Variants in VNN2 observed in about 807,000 individuals in gnomAD.
The protein encoded by VNN2 is pantetheine hydrolase VNN2.
A neutral mutation model predicts 43.0 loss-of-function variants in VNN2; 43 were observed. The observed-to-expected ratio is 1.00, with a 90% confidence interval of 0.78 to 1.29. VNN2 has a LOEUF of 1.29. VNN2 is among the 50% of genes most tolerant of loss of function. VNN2 has a pLI of 0.00. For synonymous variants in VNN2, 230 were observed against 224.3 expected (o/e 1.03, Z -0.23); for missense variants, 652 against 619.7 (o/e 1.05, Z -0.55).
upstream of VNN2, among the ~76,000 whole-genome samples, chr6:132,762,110 G>C (rs200076821): frequency 6.6e-6 from 1 of 152,160 alleles, no homozygotes; most frequent in Non-Finnish European, 1.5e-5. Flanking sequence ...GGGTTGACAG[G>C]GTACCTGGGC....
chr6:132,762,031 A>G (rs879462373), upstream of VNN2, among the ~76,000 whole-genome samples: 2 of 152,248 alleles, frequency 1.3e-5, no homozygotes, highest in African/African-American at 2.4e-5. Context: ...GGCCCACAGA[A>G]CTACTGTTGT....
upstream of VNN2, chr6:132,758,039 C>CTTCTT (rs1488070973): frequency 1.6e-4 from 26 of 164,994 alleles, no homozygotes; most frequent in South Asian, 8.4e-4. Flanking sequence ...TCTTCTTCTT[C>CTTCTT]TTTTTTTTTT....
upstream of VNN2, chr6:132,758,039 CTTTTTTTTTT>C (rs533088096): frequency 2.4e-5 from 4 of 165,050 alleles, no homozygotes; most frequent in African/African-American, 1.2e-4. Flanking sequence ...TCTTCTTCTT[CTTTTTTTTTT>C]TTTTTTTTTT....
At chr6:132,757,927 T>C (rs1028196351), upstream of VNN2, 1 of 1,554,238 alleles carries the variant, frequency 6.4e-7, no homozygotes, top group African/African-American at 1.4e-5. Context: ...AACATTCATG[T>C]AGTATTTACA....
At chr6:132,760,152 C>T (rs943063474), upstream of VNN2, among the ~76,000 whole-genome samples, 12 of 151,948 alleles carry the variant, frequency 7.9e-5, no homozygotes, top group African/African-American at 2.4e-4. Flanking sequence ...TCTGAACACT[C>T]GTGTCTTTTG....
At chr6:132,748,038 G>T (rs1415982195) in intron 6 of VNN2, among the ~76,000 whole-genome samples, 2 of 152,192 alleles carry the variant, frequency 1.3e-5, no homozygotes, top group East Asian at 3.8e-4. Context: ...TGGAAAAAGT[G>T]GCAAAGTAGT....
At chr6:132,760,529 G>C (rs940214470), upstream of VNN2, 10 of 151,852 alleles carry the variant, frequency 6.6e-5, no homozygotes, top group African/African-American at 2.4e-4. Context: ...GAAGACCATA[G>C]GCAAATTTGC....
chr6:132,750,515 T>TATATATATATATATATATAGATATA (rs1359427541), intron 5 of VNN2, among the ~76,000 whole-genome samples: 1 of 97,376 alleles, frequency 1.0e-5, no homozygotes, highest in African/African-American at 4.2e-5. Flanking sequence ...ATATATATAT[T>TATATATATATATATATATAGATATA]TTTCCAGGTG....
In VNN2 at chr6:132,755,984, G is replaced by C; in HGVS notation, c.396C>G (p.Asn132Lys). The C allele has an allele frequency of 6.2e-7, 1 of 1,614,132 alleles. No individual in the cohort carries two copies. The highest frequency in any genetic ancestry group is 8.5e-7 in the Non-Finnish European group (1 of 1,180,012). Residue 132 changes from asparagine to lysine, a missense_variant, in exon 3 of 7, where the codon AAC becomes AAG. Coordinates refer to ENST00000326499, the MANE Select transcript of VNN2 (RefSeq NM_004665.6). Reference sequence around the variant, plus strand: ...CCAAATTTGCCAAGACATAGATAGAGTTGTCCTTGGCCAGGCAGCTGAGTC... The same window carrying C: ...CCAAATTTGCCAAGACATAGATAGACTTGTCCTTGGCCAGGCAGCTGAGTC... ...QARLSCLAKDNSIYVLANLGD... is the reference protein window; with the variant it reads ...QARLSCLAKDKSIYVLANLGD...
At chr6:132,752,996 GC>G in intron 3 of VNN2, 1 of 410,872 alleles carries the variant, frequency 2.4e-6, no homozygotes, top group Non-Finnish European at 4.3e-6. Flanking sequence ...TCAGTTAAGA[GC>G]CAAATACCCC....
At position 132,757,844 on chromosome 6, in the gene VNN2, C is replaced by A. The variant is rs78238113; in HGVS notation, c.40G>T (p.Ala14Ser). The change falls in exon 1 of 7, where the codon GCC becomes TCC. Residue 14 changes from alanine (A) to serine (S), a missense_variant. Transcript: ENST00000326499. ...GTACCAACCTGCAGGGTTATTAGGGCAAAAACTGCCACAGAGATTGGAAAA... is the reference window on the plus strand; with the variant it reads ...GTACCAACCTGCAGGGTTATTAGGGAAAAAACTGCCACAGAGATTGGAAAA... ...SSFPISVAVFALITLQVGTQD... is the reference protein window; with the variant it reads ...SSFPISVAVFSLITLQVGTQD... The A allele has an allele frequency of 6.2e-7, 1 of 1,613,580 alleles. No individual in the cohort carries two copies.
upstream of VNN2, among the ~76,000 whole-genome samples, chr6:132,758,322 C>G (rs779454290): frequency 6.6e-6 from 1 of 152,010 alleles, no homozygotes; most frequent in Admixed American, 6.6e-5. Context: ...GGATTACAGG[C>G]GTGAGCCACT....
At chr6:132,744,512 G>A (rs776518863) in intron 6 of VNN2, 21 bp from the exon 7 acceptor site, 5 of 1,555,202 alleles carry the variant, frequency 3.2e-6, no homozygotes, top group Non-Finnish European at 4.3e-6. Context: ...GGTGGGAAAA[G>A]TACAGTCAGC....
rs376838564 is a variant in VNN2, at chr6:132,746,780, G to T, written c.1372-2289C>A. Reference sequence around the variant, plus strand: ...GAGTCTCCTTGACATACAGTTCATTGTTCCCAGCTAAGGGAACCTATTTTT... The same window carrying T: ...GAGTCTCCTTGACATACAGTTCATTTTTCCCAGCTAAGGGAACCTATTTTT... On this transcript the variant is annotated intron_variant, in intron 6 of 6. Coordinates refer to ENST00000326499, the MANE Select transcript of VNN2 (RefSeq NM_004665.6). Among the ~76,000 whole-genome samples, 14 of 152,292 alleles carry T rather than the reference G, an allele frequency of 9.2e-5. No homozygotes were observed. The East Asian group carries it at 2.1e-3, about 23-fold the overall frequency.
chr6:132,745,661 A>C (rs529801500), intron 6 of VNN2, among the ~76,000 whole-genome samples: 2 of 152,330 alleles, frequency 1.3e-5, no homozygotes, highest in South Asian at 4.1e-4. Context: ...CTAGCGCTGA[A>C]GATTAGTGAA....
At position 132,757,451 on chromosome 6, in the gene VNN2, A is replaced by C. The variant is rs1394942011; in HGVS notation, c.309T>G (p.Pro103=). The change falls in exon 2 of 7, where the codon CCT becomes CCG. Residue 103 remains proline, a synonymous_variant. Coordinates refer to ENST00000326499, the MANE Select transcript of VNN2 (RefSeq NM_004665.6). ...CTTGACACGGAATCCAGTTCACCTG[A>C]GGGTCTGGGATATCCTCCAGATAAG... The part of the protein sequence containing the change: ...VFPYLEDIPD[P]QVNWIPCQDP... The C allele has an allele frequency of 6.2e-7, 1 of 1,613,002 alleles. No individual in the cohort carries two copies. The highest frequency in any genetic ancestry group is 8.5e-7 in the Non-Finnish European group (1 of 1,179,698).
At chr6:132,751,014 TG>T (rs1780044867) in intron 5 of VNN2, 130 bp downstream of exon 5, 1 of 1,049,326 alleles carries the variant, frequency 9.5e-7, no homozygotes, top group Non-Finnish European at 1.4e-6. Context: ...GTGTGTGTTG[TG>T]TGTGTGTGTG....
chr6:132,763,367 C>T (rs1396676890), intron 1 of VNN2: 2 of 152,190 alleles, frequency 1.3e-5, no homozygotes, highest in African/African-American at 4.8e-5. Context: ...GTTTGCAGCC[C>T]AAGGTAACTA....
In VNN2 at chr6:132,751,338, G is replaced by T. The variant is rs781592634; in HGVS notation, c.1007C>A (p.Thr336Asn). 3 of 1,614,158 alleles carry T rather than the reference G, an allele frequency of 1.9e-6. No homozygotes were observed. The South Asian group carries it at 3.3e-5, about 18-fold the overall frequency. ...ATCCCTGGAAATAAATCCCCTGAAA[G>T]TGTTTTTCTGTACTGGAAATGGTTT... is the stretch of plus-strand genomic sequence containing the variant. ...TIKPFPVQKN[T>N]FRGFISRDGF... Residue 336 changes from threonine (T) to asparagine (N), a missense_variant, in exon 5 of 7, where the codon ACT becomes AAT. By Grantham distance (65) the Thr-to-Asn change is moderately conservative. Coordinates refer to ENST00000326499, the MANE Select transcript of VNN2 (RefSeq NM_004665.6).
Sources: gnomAD v4.1 joint callset for allele counts (sites outside exome capture counted in the v4.1 genomes callset) on GRCh38, gnomAD v4.1.1 for gene constraint, MANE v1.5 for transcripts, NCBI Gene and HGNC (gene_info 2026-07-23, HGNC 2026-07-21) for gene names.